SLC75A1: variants seen among roughly 807,000 people sequenced by gnomAD.
SLC75A1 encodes the protein solute carrier family 75 member 1.
At chr4:2,931,767 C>T in the SLC75A1 span, 3 of 1,546,484 alleles carry the variant, frequency 1.9e-6, no homozygotes, top group African/African-American at 1.4e-5. Context: ...GGGTTGCTTC[C>T]CTGAAGCAGG....
the SLC75A1 span, chr4:2,933,805 G>C: frequency 6.3e-7 from 1 of 1,591,192 alleles, no homozygotes; most frequent in African/African-American, 1.3e-5. Flanking sequence ...CAGCAGCAGC[G>C]TGAAGGCCAG....
At chr4:2,934,041 G>A in the SLC75A1 span, 6 of 1,136,476 alleles carry the variant, frequency 5.3e-6, no homozygotes, top group African/African-American at 4.6e-5. Flanking sequence ...CCCTAAAGGG[G>A]CTGATGGCAG....
the SLC75A1 span, chr4:2,931,575 C>T: frequency 1.9e-6 from 3 of 1,612,834 alleles, no homozygotes; most frequent in East Asian, 4.5e-5. Context: ...GCAGCAACTT[C>T]CCCGCCAGGG....
At chr4:2,932,297 T>G in the SLC75A1 span, 1 of 1,577,662 alleles carries the variant, frequency 6.3e-7, no homozygotes, top group Non-Finnish European at 8.6e-7. Flanking sequence ...TTTACATCGC[T>G]ATGGAATCAA....
chr4:2,932,967 A>AC, the SLC75A1 span: 1 of 1,023,632 alleles, frequency 9.8e-7, no homozygotes, highest in Non-Finnish European at 1.4e-6. Flanking sequence ...TCCCCCGAGA[A>AC]CCCCCTCCAG....
chr4:2,932,469 G>C, the SLC75A1 span: 3 of 1,613,754 alleles, frequency 1.9e-6, no homozygotes. Flanking sequence ...TCCGAGCATA[G>C]GGCCCAGGGT....
the SLC75A1 span, chr4:2,932,994 A>G: frequency 2.7e-6 from 3 of 1,125,268 alleles, no homozygotes; most frequent in Non-Finnish European, 3.8e-6. Flanking sequence ...ATGAGGGCCA[A>G]CCAGTGGCCA....
the SLC75A1 span, chr4:2,933,675 G>C: frequency 9.9e-6 from 16 of 1,613,446 alleles, no homozygotes; most frequent in South Asian, 1.8e-4. Flanking sequence ...TAGGGGATGA[G>C]GAATCACGAT....
At chr4:2,930,611 T>C in the SLC75A1 span, 1 of 585,460 alleles carries the variant, frequency 1.7e-6, no homozygotes, top group South Asian at 2.1e-5. Context: ...ACCTGGTGCA[T>C]AGTTTAAAAA....
At chr4:2,932,845 C>A in the SLC75A1 span, 1 of 1,461,282 alleles carries the variant, frequency 6.8e-7, no homozygotes, top group Non-Finnish European at 9.1e-7. Context: ...CAGACAACAC[C>A]CCTCAACCCT....
At chr4:2,933,564 T>A in the SLC75A1 span, 1 of 1,613,744 alleles carries the variant, frequency 6.2e-7, no homozygotes, top group South Asian at 1.1e-5. Context: ...GAGCCAGCCA[T>A]ACCTCCGAAC....
chr4:2,932,613 C>G, the SLC75A1 span: 2 of 1,612,982 alleles, frequency 1.2e-6, no homozygotes, highest in East Asian at 4.5e-5. Flanking sequence ...GCCTTGACTG[C>G]GGGCCAGAGG....
chr4:2,930,840 A>T, the SLC75A1 span: 1 of 1,612,882 alleles, frequency 6.2e-7, no homozygotes. Flanking sequence ...TGGCTCAGCT[A>T]CTCAGCCTTG....
At chr4:2,932,641 CGATGGCCGTG>C in the SLC75A1 span, 3 of 1,612,964 alleles carry the variant, frequency 1.9e-6, no homozygotes, top group Non-Finnish European at 2.5e-6. Flanking sequence ...AGGTCAGCAA[CGATGGCCGTG>C]GAGAGGCTGA....
chr4:2,931,433 G>A, the SLC75A1 span: 3 of 1,559,298 alleles, frequency 1.9e-6, no homozygotes, highest in South Asian at 1.2e-5. Context: ...CCCAGCCGAT[G>A]AGGAGGAAGG....
the SLC75A1 span, chr4:2,934,786 T>C: frequency 1.4e-5 from 2 of 140,022 alleles, no homozygotes; most frequent in Admixed American, 7.2e-5. Flanking sequence ...GGCTGCGCGC[T>C]CGGGACGGAC....
chr4:2,933,910 C>CCT, the SLC75A1 span: 1 of 1,565,346 alleles, frequency 6.4e-7, no homozygotes. Flanking sequence ...GCCTCCACCC[C>CCT]CTCCCCATCC....
chr4:2,931,353 C>A, the SLC75A1 span: 1 of 1,545,112 alleles, frequency 6.5e-7, no homozygotes, highest in Non-Finnish European at 8.7e-7. Flanking sequence ...ATCGGATCCC[C>A]TGCCAGGGCA....
At chr4:2,931,646 A>ATCT in the SLC75A1 span, 9 of 1,613,364 alleles carry the variant, frequency 5.6e-6, no homozygotes, top group African/African-American at 1.2e-4. Context: ...GAGGAAAAAC[A>ATCT]TCTTCCCCTG....
Sources: gnomAD v4.1 joint callset for allele counts on GRCh38, gnomAD v4.1.1 for gene constraint, MANE v1.5 for transcripts, NCBI Gene and HGNC (gene_info 2026-07-23, HGNC 2026-07-21) for gene names.